RAD51B: variants seen among roughly 807,000 people sequenced by gnomAD.
RAD51B encodes DNA repair protein RAD51 homolog 2.
RAD51B carries 38 observed loss-of-function variants against 42.2 expected under a neutral mutation model. The ratio of observed to expected loss-of-function variants is 0.90; its 90% CI spans 0.70 to 1.18. The LOEUF is 1.18. RAD51B is among the 50% of genes most tolerant of loss of function. The probability of loss-of-function intolerance (pLI) is 0.00; values close to 1 mark genes in which losing one functional copy is unlikely to be tolerated. For missense variants in RAD51B, 373 were observed against 400.7 expected, an observed-to-expected ratio of 0.93 and a Z score of 0.59; for synonymous variants, 154 against 145.2, an observed-to-expected ratio of 1.06 and a Z score of -0.43.
intron 10 of RAD51B, among the ~76,000 whole-genome samples, chr14:68,621,468 T>C (rs12432197): frequency 0.5 from 75,991 of 152,140 alleles, 19,511 homozygotes; most frequent in African/African-American, 0.6. Flanking sequence ...CCCAAGCCAC[T>C]GTGGATATTT....
At chr14:68,522,827 C>T (rs536095645) in intron 10 of RAD51B, among the ~76,000 whole-genome samples, 82 of 152,306 alleles carry the variant, frequency 5.4e-4, no homozygotes, top group Admixed American at 1.1e-3. Flanking sequence ...CAGCTGCCAA[C>T]CAACTTTGCC....
rs187421191 is a variant in RAD51B, at chr14:68,052,701, A to G, written c.756+165497A>G. Among the ~76,000 whole-genome samples, 738 of 150,600 alleles carry G rather than the reference A, an allele frequency of 4.9e-3. 2 individuals carry two copies. Among genetic ancestry groups the G allele is most frequent in the Admixed American group, 9.2e-3 (139 of 15,136 alleles). On this transcript the variant is annotated intron_variant, in intron 7 of 10. Transcript: ENST00000471583. ...AATGGTGCCATCATAGCTCACTGCAACCTCTGCCTCCGAGGCTCCAGCGAT... is the reference window on the plus strand; with the variant it reads ...AATGGTGCCATCATAGCTCACTGCAGCCTCTGCCTCCGAGGCTCCAGCGAT...
chr14:68,007,221 A>G (rs1229496983), intron 7 of RAD51B, among the ~76,000 whole-genome samples: 4 of 152,246 alleles, frequency 2.6e-5, no homozygotes, highest in African/African-American at 7.2e-5. Context: ...TCTTTTATGT[A>G]TGGTCAAATA....
intron 7 of RAD51B, among the ~76,000 whole-genome samples, chr14:68,147,001 G>A (rs1322661428): frequency 6.6e-6 from 1 of 152,138 alleles, no homozygotes; most frequent in Non-Finnish European, 1.5e-5. Flanking sequence ...TCATCCAGAT[G>A]GGATCAGACC....
intron 4 of RAD51B, among the ~76,000 whole-genome samples, chr14:67,839,036 A>T (rs1262414999): frequency 6.6e-6 from 1 of 152,152 alleles, no homozygotes; most frequent in East Asian, 1.9e-4. Context: ...TTTTTGGGAC[A>T]AGTTCAACTT....
intron 7 of RAD51B, among the ~76,000 whole-genome samples, chr14:68,111,653 G>A (rs768630388): frequency 3.9e-5 from 6 of 151,932 alleles, no homozygotes; most frequent in Non-Finnish European, 8.8e-5. Flanking sequence ...ATCCAGTAAT[G>A]TTCACCAAAC....
chr14:68,468,393 T>A, intron 10 of RAD51B, 143 bp downstream of exon 10: 2 of 921,054 alleles, frequency 2.2e-6, no homozygotes, highest in Non-Finnish European at 1.8e-6. Flanking sequence ...ATATTTACCC[T>A]AGTGAGAGCA....
chr14:68,366,461 A>T (rs1176010829), intron 8 of RAD51B, among the ~76,000 whole-genome samples: 4 of 152,202 alleles, frequency 2.6e-5, no homozygotes, highest in Non-Finnish European at 5.9e-5. Flanking sequence ...AGAACCCCCT[A>T]TGGTCATAAA....
intron 10 of RAD51B, among the ~76,000 whole-genome samples, chr14:68,592,365 A>C (rs1417449993): frequency 6.6e-6 from 1 of 152,026 alleles, no homozygotes; most frequent in Non-Finnish European, 1.5e-5. Flanking sequence ...TATGCACCCC[A>C]GTTTTACAAT....
intron 5 of RAD51B, among the ~76,000 whole-genome samples, chr14:67,871,634 A>G (rs2042535848): frequency 6.6e-6 from 1 of 152,130 alleles, no homozygotes; most frequent in South Asian, 2.1e-4. Flanking sequence ...GACACAACCA[A>G]AAAAGAGAAT....
intron 7 of RAD51B, among the ~76,000 whole-genome samples, chr14:68,223,811 A>G (rs138209461): frequency 6.9e-4 from 105 of 152,308 alleles, no homozygotes; most frequent in African/African-American, 2.3e-3. Context: ...ATGTATTTGG[A>G]AAACAACAAA....
chr14:68,193,092 C>T (rs1039970175), intron 7 of RAD51B, among the ~76,000 whole-genome samples: 1 of 151,962 alleles, frequency 6.6e-6, no homozygotes, highest in African/African-American at 2.4e-5. Flanking sequence ...CTTGTTGATC[C>T]CGCGTGACCC....
At chr14:68,470,542 A>G (rs1286642554) in intron 10 of RAD51B, 1 of 497,570 alleles carries the variant, frequency 2.0e-6, no homozygotes, top group Admixed American at 2.3e-5. Context: ...GAAAACATTA[A>G]CCTTGATTCA....
At chr14:68,673,909 AC>A (rs1893241594) in intron 11 of RAD51B, among the ~76,000 whole-genome samples, 1 of 118,010 alleles carries the variant, frequency 8.5e-6, no homozygotes, top group Non-Finnish European at 2.0e-5. Flanking sequence ...CACATACTGT[AC>A]ACACACATAT....
chr14:68,287,267 T>A (rs999106710), intron 7 of RAD51B, among the ~76,000 whole-genome samples: 12 of 152,176 alleles, frequency 7.9e-5, no homozygotes, highest in Admixed American at 1.3e-4. Context: ...GGACTCAAGG[T>A]CTATGTGACA....
chr14:68,395,988 A>C (rs2083908231), intron 8 of RAD51B, among the ~76,000 whole-genome samples: 1 of 152,208 alleles, frequency 6.6e-6, no homozygotes, highest in Non-Finnish European at 1.5e-5. Flanking sequence ...ATGTACCAAG[A>C]ATCCACCGTT....
intron 10 of RAD51B, among the ~76,000 whole-genome samples, chr14:68,471,652 A>G (rs2140241084): frequency 6.7e-6 from 1 of 148,212 alleles, no homozygotes; most frequent in South Asian, 2.2e-4. Context: ...GGTCCATGCT[A>G]TTGTTGTAGT....
intron 7 of RAD51B, among the ~76,000 whole-genome samples, chr14:68,222,749 G>A (rs546852891): frequency 6.6e-6 from 1 of 152,246 alleles, no homozygotes; most frequent in South Asian, 2.1e-4. Context: ...CTTGAGACTG[G>A]AGCTCCATTT....
intron 7 of RAD51B, among the ~76,000 whole-genome samples, chr14:68,085,925 G>T (rs1374346657): frequency 6.6e-6 from 1 of 152,168 alleles, no homozygotes. Context: ...AGCGTCTAGG[G>T]GTGAATGTTT....
Sources: gnomAD v4.1 joint callset for allele counts (sites outside exome capture counted in the v4.1 genomes callset) on GRCh38, gnomAD v4.1.1 for gene constraint, MANE v1.5 for transcripts, NCBI Gene and HGNC (gene_info 2026-07-23, HGNC 2026-07-21) for gene names.